The following SLX4IP variants were observed in gnomAD, a reference collection of about 807,000 sequenced individuals.
SLX4IP encodes the protein protein SLX4IP.
In SLX4IP, 34 loss-of-function variants were observed where a neutral mutation model predicts 32.9. That is an observed-to-expected ratio of 1.03 (90% CI 0.79 to 1.38). The LOEUF (loss-of-function observed/expected upper bound fraction) is 1.38. SLX4IP is among the 40% of genes most tolerant of loss of function. The pLI, the probability that SLX4IP is intolerant of heterozygous loss-of-function variation, is 0.00. For missense variants in SLX4IP, 444 were observed against 479.0 expected (o/e 0.93, Z 0.68); for synonymous variants, 172 against 171.7 (o/e 1.00, Z -0.01).
intron 2 of SLX4IP, among the ~76,000 whole-genome samples, chr20:10,490,160 A>G (rs2065610228): frequency 6.7e-6 from 1 of 149,754 alleles, no homozygotes; most frequent in African/African-American, 2.5e-5. Context: ...TTTCAAAAGG[A>G]GATATTTTTA....
At chr20:10,466,696 G>C (rs2065383475) in intron 2 of SLX4IP, among the ~76,000 whole-genome samples, 1 of 152,018 alleles carries the variant, frequency 6.6e-6, no homozygotes, top group South Asian at 2.1e-4. Context: ...ATTCCAGGAG[G>C]CTAAACGCTT....
At chr20:10,602,850 A>T (rs1307475566) in intron 6 of SLX4IP, among the ~76,000 whole-genome samples, 1 of 152,216 alleles carries the variant, frequency 6.6e-6, no homozygotes, top group Non-Finnish European at 1.5e-5. Context: ...GTGAATAGAG[A>T]CCCAGGAAAA....
At chr20:10,614,782 C>T (rs1178635770) in intron 6 of SLX4IP, among the ~76,000 whole-genome samples, 1 of 152,038 alleles carries the variant, frequency 6.6e-6, no homozygotes, top group Non-Finnish European at 1.5e-5. Flanking sequence ...TGGTGGGTGC[C>T]CCCATTTCTC....
intron 2 of SLX4IP, among the ~76,000 whole-genome samples, chr20:10,515,571 A>G (rs751406716): frequency 1.3e-5 from 2 of 152,234 alleles, no homozygotes; most frequent in African/African-American, 4.8e-5. Context: ...AATGAGATCC[A>G]GTCAAAACAC....
intron 2 of SLX4IP, among the ~76,000 whole-genome samples, chr20:10,464,115 G>A (rs1390649421): frequency 6.6e-6 from 1 of 152,144 alleles, no homozygotes; most frequent in East Asian, 1.9e-4. Context: ...TTTCAGTGTG[G>A]TTGCCCATGG....
chr20:10,622,607 A>G (rs1437071099), intron 7 of SLX4IP, 52 bp from the exon 8 acceptor site: 5 of 1,540,138 alleles, frequency 3.2e-6, no homozygotes, highest in Non-Finnish European at 4.4e-6. Context: ...ATCTGGAGGA[A>G]ACAGTGCAGT....
chr20:10,595,250 T>C (rs1452299845), intron 4 of SLX4IP, among the ~76,000 whole-genome samples: 1 of 152,186 alleles, frequency 6.6e-6, no homozygotes, highest in African/African-American at 2.4e-5. Flanking sequence ...CTCCCTCTAA[T>C]CCAAATCCCT....
At chr20:10,490,094 T>C (rs938042820) in intron 2 of SLX4IP, among the ~76,000 whole-genome samples, 1 of 152,064 alleles carries the variant, frequency 6.6e-6, no homozygotes, top group African/African-American at 2.4e-5. Context: ...GGAAAAACTC[T>C]ATCACCATGA....
At chr20:10,544,970 A>G (rs750211377) in intron 2 of SLX4IP, among the ~76,000 whole-genome samples, 7 of 152,126 alleles carry the variant, frequency 4.6e-5, no homozygotes, top group East Asian at 3.9e-4. Context: ...AGCATATGCC[A>G]GAATCACCTG....
At chr20:10,488,283 C>A (rs1692566515) in intron 2 of SLX4IP, among the ~76,000 whole-genome samples, 1 of 152,086 alleles carries the variant, frequency 6.6e-6, no homozygotes, top group African/African-American at 2.4e-5. Context: ...GACATTTGGA[C>A]ACAGAGACAG....
At chr20:10,453,964 T>TGTTTTA (rs1163060704) in intron 1 of SLX4IP, among the ~76,000 whole-genome samples, 1 of 152,208 alleles carries the variant, frequency 6.6e-6, no homozygotes, top group Non-Finnish European at 1.5e-5. Flanking sequence ...CAACTATCAT[T>TGTTTTA]GTTTTAGTTT....
chr20:10,540,098 T>C (rs6040017), intron 2 of SLX4IP, among the ~76,000 whole-genome samples: 1,273 of 17,006 alleles, frequency 0.075, 14 homozygotes, highest in Middle Eastern at 0.12. Flanking sequence ...TTCCTTCCTT[T>C]CCTTCCTTCC....
chr20:10,572,690 G>T (rs1344501968), intron 4 of SLX4IP, among the ~76,000 whole-genome samples: 1 of 152,066 alleles, frequency 6.6e-6, no homozygotes, highest in South Asian at 2.1e-4. Flanking sequence ...ATTTTCCTGG[G>T]TACTGTGGTT....
chr20:10,436,934 A>G (rs2065120656), intron 1 of SLX4IP, among the ~76,000 whole-genome samples: 1 of 151,086 alleles, frequency 6.6e-6, no homozygotes, highest in African/African-American at 2.4e-5. Context: ...TTTTTTTTTA[A>G]AAGTTGTTTA....
chr20:10,592,558 A>C (rs985717321), intron 4 of SLX4IP, among the ~76,000 whole-genome samples: 1 of 142,158 alleles, frequency 7.0e-6, no homozygotes, highest in South Asian at 2.6e-4. Flanking sequence ...ACAGTTTGGG[A>C]TGTAATGAGT....
In SLX4IP at chr20:10,622,789, A is replaced by G; in HGVS notation, c.637A>G (p.Ser213Gly). The G allele has an allele frequency of 3.1e-6, 5 of 1,614,196 alleles. No individual in the cohort carries two copies. The highest frequency in any genetic ancestry group is 4.2e-6 in the Non-Finnish European group (5 of 1,180,034). Residue 213 changes from serine (S) to glycine (G), a missense_variant, in exon 8 of 8, where the codon AGT becomes GGT. Transcript: ENST00000334534. ...GAGGAATGATGGTCAGGCTTCCTCCAGTCCCCCATCAGAATCCATGGGACA... is the reference window on the plus strand; with the variant it reads ...GAGGAATGATGGTCAGGCTTCCTCCGGTCCCCCATCAGAATCCATGGGACA... ...RRRNDGQASS[S>G]PPSESMGQAK...
intron 2 of SLX4IP, among the ~76,000 whole-genome samples, chr20:10,542,585 T>C (rs2066118815): frequency 6.6e-6 from 1 of 152,218 alleles, no homozygotes; most frequent in African/African-American, 2.4e-5. Flanking sequence ...ACTAAATGCA[T>C]AAAGCCTCAT....
At chr20:10,438,823 G>A (rs1404324178) in intron 1 of SLX4IP, among the ~76,000 whole-genome samples, 1 of 151,578 alleles carries the variant, frequency 6.6e-6, no homozygotes, top group Non-Finnish European at 1.5e-5. Flanking sequence ...CTTTTTGGGG[G>A]GTACGGGTTA....
intron 2 of SLX4IP, among the ~76,000 whole-genome samples, chr20:10,479,864 C>T (rs926274096): frequency 6.6e-5 from 10 of 151,292 alleles, no homozygotes; most frequent in Non-Finnish European, 1.5e-4. Flanking sequence ...ATTAGCTGGG[C>T]GTGGTGGTGG....
Sources: gnomAD v4.1 joint callset for allele counts (sites outside exome capture counted in the v4.1 genomes callset) on GRCh38, gnomAD v4.1.1 for gene constraint, MANE v1.5 for transcripts, NCBI Gene and HGNC (gene_info 2026-07-23, HGNC 2026-07-21) for gene names.